The following PDE3A variants were observed in gnomAD, a reference collection of about 807,000 sequenced individuals.
The protein encoded by PDE3A is cGMP-inhibited 3',5'-cyclic phosphodiesterase 3A.
PDE3A carries 43 observed loss-of-function variants against 98.3 expected under a neutral mutation model. The observed-to-expected ratio is 0.44, with a 90% CI of 0.34 to 0.56. The LOEUF (loss-of-function observed/expected upper bound fraction) is 0.56. PDE3A is among the 20% of genes least tolerant of loss of function. PDE3A has a pLI of 0.01. For missense variants in PDE3A, 1,427 were observed against 1,440.7 expected, an observed-to-expected ratio of 0.99 and a Z score of 0.15; for synonymous variants, 663 against 567.9, an observed-to-expected ratio of 1.17 and a Z score of -2.38.
intron 9 of PDE3A, among the ~76,000 whole-genome samples, chr12:20,638,893 A>G (rs1944581306): frequency 6.6e-6 from 1 of 152,100 alleles, no homozygotes; most frequent in Non-Finnish European, 1.5e-5. Flanking sequence ...AGAAGAAGAA[A>G]CTAAGGCTTA....
intron 5 of PDE3A, among the ~76,000 whole-genome samples, chr12:20,623,317 G>C (rs1944180025): frequency 6.6e-6 from 1 of 152,062 alleles, no homozygotes; most frequent in African/African-American, 2.4e-5. Context: ...CCTAGTAAAT[G>C]GAAAGAAACT....
chr12:20,566,131 A>G (rs949363632), intron 2 of PDE3A, among the ~76,000 whole-genome samples: 2 of 151,972 alleles, frequency 1.3e-5, no homozygotes, highest in African/African-American at 4.8e-5. Flanking sequence ...AATTATCTTA[A>G]AAGTCACAAA....
chr12:20,369,213 G>T lies in PDE3A; in HGVS notation c.-72G>T. On this transcript the variant is annotated 5_prime_UTR_variant, in exon 1 of 16. Coordinates refer to ENST00000359062, the MANE Select transcript of PDE3A (RefSeq NM_000921.5). ...TGCGTGTGTGTGTGTGTGTGTGTGCGCGCGCGCGCGTGGGTCGGGGCGGGG... is the reference window on the plus strand; with the variant it reads ...TGCGTGTGTGTGTGTGTGTGTGTGCTCGCGCGCGCGTGGGTCGGGGCGGGG... The T allele has an allele frequency of 9.1e-7, 1 of 1,102,826 alleles. No individual in the cohort carries two copies. The highest frequency in any genetic ancestry group is 1.3e-6 in the Non-Finnish European group (1 of 790,062). 68.3% of individuals were successfully genotyped at this position (1,102,826 alleles called of 1,614,324 possible). A position where few individuals can be genotyped will look rare whatever the true frequency, so the allele number is the denominator to read the frequency against.
At chr12:20,420,670 C>G (rs927474940) in intron 1 of PDE3A, among the ~76,000 whole-genome samples, 4 of 151,990 alleles carry the variant, frequency 2.6e-5, no homozygotes, top group African/African-American at 9.7e-5. Flanking sequence ...AAGCACAGGC[C>G]TTACTTTTTA....
At chr12:20,444,263 G>C (rs1233644549) in intron 1 of PDE3A, among the ~76,000 whole-genome samples, 2 of 152,022 alleles carry the variant, frequency 1.3e-5, no homozygotes, top group African/African-American at 4.8e-5. Flanking sequence ...TCTAGCTCCT[G>C]ACCTGTCCAT....
intron 2 of PDE3A, among the ~76,000 whole-genome samples, chr12:20,604,335 C>T (rs1022971409): frequency 3.9e-5 from 6 of 152,158 alleles, no homozygotes; most frequent in African/African-American, 1.4e-4. Flanking sequence ...TCCTTAAAGA[C>T]CCCATGTATT....
At chr12:20,486,627 T>C (rs994734893) in intron 1 of PDE3A, among the ~76,000 whole-genome samples, 2 of 152,156 alleles carry the variant, frequency 1.3e-5, no homozygotes, top group African/African-American at 4.8e-5. Flanking sequence ...TAATCCAAGA[T>C]TTTTGCTTAT....
intron 1 of PDE3A, among the ~76,000 whole-genome samples, chr12:20,389,614 T>C (rs1161586751): frequency 1.3e-5 from 2 of 151,932 alleles, no homozygotes; most frequent in South Asian, 4.1e-4. Flanking sequence ...TCCCAGAAAA[T>C]GTGGGGATTG....
At chr12:20,540,194 C>T (rs1941858877) in intron 1 of PDE3A, among the ~76,000 whole-genome samples, 1 of 152,042 alleles carries the variant, frequency 6.6e-6, no homozygotes, top group Non-Finnish European at 1.5e-5. Context: ...TTTCTCAGAG[C>T]CTCCACTGAC....
rs977950425 is a variant in PDE3A, at chr12:20,369,508, C to A, written c.224C>A (p.Ala75Glu). 15 of 1,560,664 alleles carry A rather than the reference C, an allele frequency of 9.6e-6. No homozygotes were observed. The highest frequency in any genetic ancestry group is 1.2e-5 in the Non-Finnish European group (14 of 1,152,436). ...GCGGGCTCCCTGTCCTTTCTGCTGG[C>A]GCTGCTGGTGAGGCTGGTCCGCGGG... ...LCAGSLSFLLALLVRLVRGEV... is the reference protein window; with the variant it reads ...LCAGSLSFLLELLVRLVRGEV... Residue 75 changes from alanine to glutamate, a missense_variant, in exon 1 of 16, where the codon GCG becomes GAG. Physicochemically the swap from Ala to Glu is moderately radical, Grantham distance 107 (BLOSUM62 -1). This residue lies in a region of PDE3A where 1,012 missense variants were observed against 886.5 expected (regional missense o/e 1.14). Coordinates refer to ENST00000359062, the MANE Select transcript of PDE3A (RefSeq NM_000921.5).
intron 1 of PDE3A, among the ~76,000 whole-genome samples, chr12:20,420,906 T>G (rs966295794): frequency 6.6e-6 from 1 of 152,188 alleles, no homozygotes; most frequent in Non-Finnish European, 1.5e-5. Flanking sequence ...CATCGAACTG[T>G]ACTTTAATAA....
intron 1 of PDE3A, among the ~76,000 whole-genome samples, chr12:20,540,645 G>C (rs925799964): frequency 5.9e-5 from 9 of 151,986 alleles, no homozygotes; most frequent in Admixed American, 6.6e-5. Context: ...GATCATGTTT[G>C]AATGTGTTTC....
chr12:20,638,857 GT>G (rs142528395), intron 9 of PDE3A, among the ~76,000 whole-genome samples: 116 of 149,756 alleles, frequency 7.7e-4, no homozygotes, highest in Admixed American at 1.6e-3. Context: ...TTTAGTGCAG[GT>G]TTTTTTTTTA....
rs567148347 is a variant in PDE3A, at chr12:20,542,335, T to A, written c.961-14325T>A. On this transcript the variant is annotated intron_variant, in intron 1 of 15. Transcript: ENST00000359062. ...ACACCAATTACTGAGATATATTTTT[T>A]AAAATTACCTATTTATCAATTTTAA... 1.9e-4 allele frequency among the ~76,000 whole-genome samples: 29 copies of A among 152,160 alleles called. No individual in the cohort carries two copies. The South Asian group carries it at 5.6e-3, about 29-fold the overall frequency.
chr12:20,605,749 A>G (rs941320598), intron 2 of PDE3A, among the ~76,000 whole-genome samples: 3 of 152,206 alleles, frequency 2.0e-5, no homozygotes, highest in Non-Finnish European at 4.4e-5. Flanking sequence ...TAGGTTATCT[A>G]GATAATTTCT....
intron 2 of PDE3A, among the ~76,000 whole-genome samples, chr12:20,563,836 T>A (rs1942590406): frequency 6.6e-6 from 1 of 152,166 alleles, no homozygotes; most frequent in Non-Finnish European, 1.5e-5. Flanking sequence ...CATTAGGTCT[T>A]CCTATAGATA....
At chr12:20,511,417 T>TACACACACACAC (rs71884926) in intron 1 of PDE3A, among the ~76,000 whole-genome samples, 110 of 148,000 alleles carry the variant, frequency 7.4e-4, no homozygotes, top group African/African-American at 2.6e-3. Context: ...AGTGCTCAAA[T>TACACACACACAC]ACACACACAC....
chr12:20,663,795 G>A (rs1427843493), intron 15 of PDE3A, among the ~76,000 whole-genome samples: 1 of 152,110 alleles, frequency 6.6e-6, no homozygotes, highest in Non-Finnish European at 1.5e-5. Flanking sequence ...GGTTAATGCT[G>A]GAATGAGTTA....
At chr12:20,574,154 G>C (rs1942871758) in intron 2 of PDE3A, among the ~76,000 whole-genome samples, 3 of 152,072 alleles carry the variant, frequency 2.0e-5, no homozygotes, top group African/African-American at 7.2e-5. Context: ...AACTTTGGAA[G>C]ACTTCTAAAA....
Sources: allele counts gnomAD v4.1 joint callset (sites outside exome capture counted in the v4.1 genomes callset), GRCh38; gene constraint gnomAD v4.1.1; regional missense constraint gnomAD v4.1.1; transcripts MANE v1.5; gene names NCBI Gene and HGNC (gene_info 2026-07-23, HGNC 2026-07-21).